The following SUMF1 variants were observed in gnomAD, a reference collection of about 807,000 sequenced individuals.
SUMF1 encodes the protein sulfatase modifying factor 1.
Under a neutral mutation model 47.6 loss-of-function variants are expected in SUMF1, and 48 were observed. The observed-to-expected ratio is 1.01, with a 90% CI of 0.80 to 1.28. The LOEUF (loss-of-function observed/expected upper bound fraction) is 1.28, where lower values mean the gene tolerates loss of function less well. Among genes scored for constraint, SUMF1 ranks in the 50% most tolerant of loss-of-function variants. The pLI, the probability that SUMF1 is intolerant of heterozygous loss-of-function variation, is 0.00. For synonymous variants in SUMF1, 230 were observed against 192.1 expected (o/e 1.20, Z -1.63); for missense variants, 571 against 485.4 (o/e 1.18, Z -1.66).
intron 8 of SUMF1, among the ~76,000 whole-genome samples, chr3:4,196,485 C>T (rs190367856): frequency 3.3e-5 from 5 of 152,156 alleles, no homozygotes; most frequent in South Asian, 4.2e-4. Context: ...ACATCCTCTC[C>T]GAAGCCAGCC....
intron 9 of SUMF1, among the ~76,000 whole-genome samples, chr3:4,036,017 T>G (rs1171271683): frequency 6.6e-6 from 1 of 152,134 alleles, no homozygotes; most frequent in Non-Finnish European, 1.5e-5. Context: ...GTTTTTTTAA[T>G]CTGATATTTG....
At chr3:4,303,431 C>T in intron 8 of SUMF1, 2 of 1,554,740 alleles carry the variant, frequency 1.3e-6, no homozygotes, top group Non-Finnish European at 1.7e-6. Flanking sequence ...TAAGGAGAAG[C>T]CTGAGGCCCC....
intron 7 of SUMF1, among the ~76,000 whole-genome samples, chr3:4,388,361 A>G (rs1435545393): frequency 6.6e-6 from 1 of 152,082 alleles, no homozygotes; most frequent in African/African-American, 2.4e-5. Context: ...TCTGCTTTAC[A>G]TGATATGAAT....
At chr3:4,333,960 T>G (rs1699097985) in intron 8 of SUMF1, among the ~76,000 whole-genome samples, 1 of 151,900 alleles carries the variant, frequency 6.6e-6, no homozygotes, top group Non-Finnish European at 1.5e-5. Context: ...AGACCCCATC[T>G]CTACAAAAAT....
chr3:4,069,134 T>G (rs1258550781), intron 8 of SUMF1, among the ~76,000 whole-genome samples: 8 of 152,220 alleles, frequency 5.3e-5, no homozygotes, highest in African/African-American at 1.7e-4. Context: ...CTCAAGAGCT[T>G]AGAATGTTGT....
intron 8 of SUMF1, chr3:4,313,805 G>T (rs757059286): frequency 6.2e-7 from 1 of 1,608,574 alleles, no homozygotes; most frequent in South Asian, 1.1e-5. Context: ...CCCTATAGTG[G>T]AAGACAGTGG....
intron 8 of SUMF1, among the ~76,000 whole-genome samples, chr3:4,273,055 G>A (rs187160786): frequency 2.7e-5 from 4 of 150,684 alleles, no homozygotes; most frequent in African/African-American, 9.7e-5. Flanking sequence ...GTGAGGCTCT[G>A]TCTCCAAAAT....
intron 8 of SUMF1, among the ~76,000 whole-genome samples, chr3:4,267,579 A>G (rs1360305345): frequency 6.6e-6 from 1 of 152,134 alleles, no homozygotes; most frequent in East Asian, 1.9e-4. Flanking sequence ...GGCGAAGGAC[A>G]TGAACAGACA....
intron 8 of SUMF1, among the ~76,000 whole-genome samples, chr3:4,076,285 G>A (rs1446415007): frequency 2.0e-5 from 3 of 152,074 alleles, no homozygotes; most frequent in Non-Finnish European, 2.9e-5. Context: ...AAACTGGCTA[G>A]GCATATGTAG....
At chr3:4,265,135 T>TCA (rs1193073002) in intron 8 of SUMF1, among the ~76,000 whole-genome samples, 103 of 43,602 alleles carry the variant, frequency 2.4e-3, no homozygotes, top group African/African-American at 0.014. Flanking sequence ...AGACTCCATC[T>TCA]CAAAAAAAAA....
At chr3:4,246,405 T>G (rs1696671799) in intron 8 of SUMF1, among the ~76,000 whole-genome samples, 1 of 149,144 alleles carries the variant, frequency 6.7e-6, no homozygotes, top group Non-Finnish European at 1.5e-5. Context: ...TTTTTGTTTG[T>G]TTTTGTTTTT....
intron 8 of SUMF1, among the ~76,000 whole-genome samples, chr3:4,344,411 C>T (rs1303847911): frequency 6.6e-6 from 1 of 152,076 alleles, no homozygotes; most frequent in Non-Finnish European, 1.5e-5. Flanking sequence ...CTGAAATGAA[C>T]CCCCACCAAA....
At chr3:4,426,900 A>T (rs568013664) in intron 3 of SUMF1, among the ~76,000 whole-genome samples, 18 of 152,356 alleles carry the variant, frequency 1.2e-4, no homozygotes, top group African/African-American at 4.3e-4. Flanking sequence ...TTTAAGTTGA[A>T]ACAGCTGTAT....
intron 8 of SUMF1, among the ~76,000 whole-genome samples, chr3:4,155,443 C>G: frequency 6.6e-6 from 1 of 151,520 alleles, no homozygotes; most frequent in South Asian, 2.1e-4. Context: ...GTTCTCATGT[C>G]AAACACGGAC....
At chr3:4,258,784 A>T (rs1421761855) in intron 8 of SUMF1, among the ~76,000 whole-genome samples, 1 of 139,974 alleles carries the variant, frequency 7.1e-6, no homozygotes, top group Non-Finnish European at 1.6e-5. Flanking sequence ...AAGGACTATA[A>T]ATCATGCTGT....
At chr3:4,153,978 C>G in intron 8 of SUMF1, among the ~76,000 whole-genome samples, 1 of 151,596 alleles carries the variant, frequency 6.6e-6, no homozygotes, top group East Asian at 1.9e-4. Flanking sequence ...AACAATCCAC[C>G]CATTCATTCC....
At chr3:4,306,658 C>T (rs1698202990) in intron 8 of SUMF1, among the ~76,000 whole-genome samples, 1 of 152,234 alleles carries the variant, frequency 6.6e-6, no homozygotes, top group South Asian at 2.1e-4. Context: ...GTGCATTCAA[C>T]TCGTTTTCTT....
In SUMF1 at chr3:4,077,031, T is replaced by C. The variant is rs112933347; in HGVS notation, c.1015-8286A>G. On this transcript the variant is annotated intron_variant and NMD_transcript_variant, in intron 8 of 12. Coordinates refer to the SUMF1 transcript ENST00000448413. ...AAAAGAAAAAAAAAGAAGACATTTA[T>C]GCAGCCAACAGACATATGAAAAAAT... 7.7e-3 allele frequency among the ~76,000 whole-genome samples: 1,164 copies of C among 152,150 alleles called. 11 individuals carry two copies. The highest frequency in any genetic ancestry group is 0.027 in the African/African-American group (1,100 of 41,478).
At chr3:4,466,887 C>G in intron 1 of SUMF1, 89 bp downstream of exon 1, 1 of 1,532,184 alleles carries the variant, frequency 6.5e-7, no homozygotes, top group East Asian at 2.4e-5. Context: ...ACCTTTACTT[C>G]CCTTCCTACT....
Sources: gnomAD v4.1 joint callset for allele counts (sites outside exome capture counted in the v4.1 genomes callset) on GRCh38, gnomAD v4.1.1 for gene constraint, MANE v1.5 for transcripts, NCBI Gene and HGNC (gene_info 2026-07-23, HGNC 2026-07-21) for gene names.